The following GRK5 variants were observed in gnomAD, a reference collection of about 807,000 sequenced individuals.
GRK5 encodes g protein-coupled receptor kinase GRK5.
GRK5 carries 40 observed loss-of-function variants against 78.4 expected under a neutral mutation model. The observed-to-expected ratio is 0.51, with a 90% confidence interval of 0.40 to 0.66. The LOEUF (loss-of-function observed/expected upper bound fraction) is 0.66, where lower values mean the gene tolerates loss of function less well. Ranked by LOEUF, GRK5 falls within the 30% of genes least tolerant of loss-of-function variation. The pLI is 0.00. For synonymous variants in GRK5, 289 were observed against 296.8 expected (o/e 0.97, Z 0.27); for missense variants, 598 against 759.9 (o/e 0.79, Z 2.50).
intron 1 of GRK5, among the ~76,000 whole-genome samples, chr10:119,239,437 G>A (rs555072677): frequency 2.6e-5 from 4 of 152,124 alleles, no homozygotes; most frequent in Admixed American, 6.6e-5. Flanking sequence ...GGGTTTTGCC[G>A]TGTTGCCAGG....
intron 2 of GRK5, among the ~76,000 whole-genome samples, chr10:119,329,815 C>T (rs1850738198): frequency 6.6e-6 from 1 of 151,890 alleles, no homozygotes; most frequent in African/African-American, 2.4e-5. Context: ...TAGAACTGTC[C>T]CGTTTCTGCT....
chr10:119,427,071 TCAC>T (rs1852698326), intron 6 of GRK5, among the ~76,000 whole-genome samples: 1 of 146,966 alleles, frequency 6.8e-6, no homozygotes, highest in Non-Finnish European at 1.5e-5. Flanking sequence ...ACTGCCATCA[TCAC>T]CATCATCAGC....
At chr10:119,210,443 CT>C (rs1848469110) in intron 1 of GRK5, among the ~76,000 whole-genome samples, 1 of 152,138 alleles carries the variant, frequency 6.6e-6, no homozygotes, top group African/African-American at 2.4e-5. Context: ...AGTGTGGACA[CT>C]TTTAGAAATT....
At chr10:119,444,556 G>A (rs973978297) in intron 12 of GRK5, among the ~76,000 whole-genome samples, 1 of 152,140 alleles carries the variant, frequency 6.6e-6, no homozygotes, top group Non-Finnish European at 1.5e-5. Flanking sequence ...GCCCCCTTGG[G>A]GCCCTCCTCC....
intron 1 of GRK5, among the ~76,000 whole-genome samples, chr10:119,236,706 C>A (rs1848939696): frequency 6.6e-6 from 1 of 152,010 alleles, no homozygotes; most frequent in African/African-American, 2.4e-5. Context: ...GTGGCATGAT[C>A]TTGGCTTACT....
chr10:119,318,198 T>G (rs1291413812), intron 1 of GRK5, among the ~76,000 whole-genome samples: 2 of 152,048 alleles, frequency 1.3e-5, no homozygotes, highest in Non-Finnish European at 2.9e-5. Context: ...AGACTAAGAG[T>G]CAGAACAGCA....
chr10:119,354,693 A>C (rs1851240432), intron 2 of GRK5, among the ~76,000 whole-genome samples: 1 of 152,144 alleles, frequency 6.6e-6, no homozygotes, highest in Admixed American at 6.5e-5. Flanking sequence ...CACCCAGCCC[A>C]TCTCCTCCAT....
intron 3 of GRK5, among the ~76,000 whole-genome samples, chr10:119,390,910 T>C (rs1851878930): frequency 6.6e-6 from 1 of 152,132 alleles, no homozygotes; most frequent in African/African-American, 2.4e-5. Context: ...TGCTTATCAC[T>C]TCCCCTGAGA....
chr10:119,306,734 C>T (rs1468795837), intron 1 of GRK5, among the ~76,000 whole-genome samples: 4 of 152,100 alleles, frequency 2.6e-5, no homozygotes, highest in South Asian at 4.1e-4. Context: ...TGGCCGGGGC[C>T]GCTGCACCTG....
intron 1 of GRK5, among the ~76,000 whole-genome samples, chr10:119,304,398 C>T (rs968229907): frequency 6.2e-5 from 9 of 144,476 alleles, no homozygotes; most frequent in African/African-American, 2.3e-4. Flanking sequence ...TCAAGCAATT[C>T]TCCCTGCCTC....
intron 1 of GRK5, among the ~76,000 whole-genome samples, chr10:119,323,078 C>T (rs760697954): frequency 2.0e-5 from 3 of 152,196 alleles, no homozygotes; most frequent in Non-Finnish European, 2.9e-5. Flanking sequence ...TTCCCTTATA[C>T]GAGGTATCTA....
Position 119,459,656 on chromosome 10 carries a change from T to A in GRK5, c.*4589T>A, listed in dbSNP as rs1408196693. ...GTTCTCCCGCTGCTGTAACTCTGTGTGTTCCGTCTATCGCGTCACAGTGCC... is the reference window on the plus strand; with the variant it reads ...GTTCTCCCGCTGCTGTAACTCTGTGAGTTCCGTCTATCGCGTCACAGTGCC... On this transcript the variant is annotated 3_prime_UTR_variant, in exon 16 of 16. Coordinates refer to ENST00000392870, the MANE Select transcript of GRK5 (RefSeq NM_005308.3). 6.6e-6 allele frequency: 1 copy of A among 152,246 alleles called. No homozygotes were observed. Among genetic ancestry groups the A allele is most frequent in the South Asian group, 2.1e-4 (1 of 4,828 alleles). The allele number at this position is 152,246 out of a possible 1,614,324, so 9.4% of individuals were successfully genotyped here. A position where few individuals can be genotyped will look rare whatever the true frequency, so the allele number is the denominator to read the frequency against.
intron 1 of GRK5, among the ~76,000 whole-genome samples, chr10:119,285,373 G>A (rs1472959945): frequency 1.3e-5 from 2 of 152,130 alleles, no homozygotes; most frequent in Non-Finnish European, 2.9e-5. Context: ...CCTGGGCCAG[G>A]CTCCCCAAGG....
chr10:119,430,340 C>T lies in GRK5; in HGVS notation c.534-35C>T. The T allele has an allele frequency of 1.3e-6, 2 of 1,590,222 alleles. No homozygotes were observed. Among genetic ancestry groups the T allele is most frequent in the African/African-American group, 1.3e-5 (1 of 74,566 alleles). On this transcript the variant is annotated intron_variant, in intron 6 of 15. Coordinates refer to ENST00000392870, the MANE Select transcript of GRK5 (RefSeq NM_005308.3). This position sits in a 1 kb window ranked among gnomAD's most constrained non-coding sequence, Gnocchi z 4.5. ...TTCCTGTGGATTCTGAGTCTTGGCACCATGAGACCAGTGTGGGATTCTTCT... is the reference window on the plus strand; with the variant it reads ...TTCCTGTGGATTCTGAGTCTTGGCATCATGAGACCAGTGTGGGATTCTTCT...
intron 4 of GRK5, among the ~76,000 whole-genome samples, chr10:119,422,365 C>G (rs1188718963): frequency 6.6e-6 from 1 of 152,244 alleles, no homozygotes; most frequent in African/African-American, 2.4e-5. Flanking sequence ...ACATTTATTA[C>G]GTGCTTGCTA....
intron 2 of GRK5, among the ~76,000 whole-genome samples, chr10:119,346,275 C>T (rs1851091276): frequency 6.6e-6 from 1 of 152,200 alleles, no homozygotes; most frequent in South Asian, 2.1e-4. Flanking sequence ...GAGAGGTCCC[C>T]CGGAGCATGC....
At chr10:119,242,346 G>A (rs968955373) in intron 1 of GRK5, among the ~76,000 whole-genome samples, 18 of 151,948 alleles carry the variant, frequency 1.2e-4, no homozygotes, top group Non-Finnish European at 2.4e-4. Context: ...GCGGGGGCAG[G>A]AATGATGTAG....
intron 1 of GRK5, among the ~76,000 whole-genome samples, chr10:119,263,377 A>G (rs1317726319): frequency 6.6e-6 from 1 of 152,112 alleles, no homozygotes; most frequent in Non-Finnish European, 1.5e-5. Flanking sequence ...TTTTCATTGT[A>G]TTAACAGACT....
In GRK5 at chr10:119,264,228, G is replaced by A. The variant is rs1801778810; in HGVS notation, c.52+56259G>A. On this transcript the variant is annotated intron_variant, in intron 1 of 15. Coordinates refer to ENST00000392870, the MANE Select transcript of GRK5 (RefSeq NM_005308.3). The surrounding 1 kb of genome is among the most constrained non-coding windows in gnomAD (Gnocchi z 4.1). The stretch of plus-strand genomic sequence containing the variant: ...TGGTTCTGCTCAGTTCCAGCAAGGT[G>A]ACTGTCATTAGGCAGATCTCTTTCC... Among the ~76,000 whole-genome samples the A allele has an allele frequency of 6.6e-6, 1 of 152,226 alleles. No individual in the cohort carries two copies. The highest frequency in any genetic ancestry group is 1.5e-5 in the Non-Finnish European group (1 of 68,040).
Sources: gnomAD v4.1 joint callset for allele counts (sites outside exome capture counted in the v4.1 genomes callset) on GRCh38, gnomAD v4.1.1 for gene constraint, Gnocchi (gnomAD v3.1) non-coding constraint, MANE v1.5 for transcripts, NCBI Gene and HGNC (gene_info 2026-07-23, HGNC 2026-07-21) for gene names.